The following AGMO variants were observed in gnomAD, a reference collection of about 807,000 sequenced individuals.
AGMO encodes glyceryl-ether monooxygenase.
In AGMO, 75 loss-of-function variants were observed where a neutral mutation model predicts 60.2. The observed-to-expected ratio is 1.25, with a 90% confidence interval of 1.03 to 1.51. AGMO has a LOEUF of 1.51. AGMO is among the 40% of genes most tolerant of loss of function. AGMO has a pLI of 0.00. For synonymous variants in AGMO, 261 were observed against 177.1 expected, an observed-to-expected ratio of 1.47 and a Z score of -3.76; for missense variants, 763 against 525.5, an observed-to-expected ratio of 1.45 and a Z score of -4.42.
chr7:15,483,538 A>C (rs1462560745), intron 3 of AGMO, among the ~76,000 whole-genome samples: 29 of 151,994 alleles, frequency 1.9e-4, no homozygotes, highest in Non-Finnish European at 4.0e-4. Context: ...CTACTGCACT[A>C]CAGCCTGGGT....
chr7:15,549,790 T>C (rs919982378), intron 2 of AGMO, among the ~76,000 whole-genome samples: 1 of 151,548 alleles, frequency 6.6e-6, no homozygotes, highest in Non-Finnish European at 1.5e-5. Context: ...TACCCAGGAA[T>C]TGAACTCAGC....
At chr7:15,402,712 C>G (rs1420765465) in intron 5 of AGMO, among the ~76,000 whole-genome samples, 1 of 145,350 alleles carries the variant, frequency 6.9e-6, no homozygotes, top group Non-Finnish European at 1.5e-5. Flanking sequence ...TGAACAATTA[C>G]TGTTTTAAAT....
At chr7:15,205,493 A>C (rs1404241583) in intron 12 of AGMO, among the ~76,000 whole-genome samples, 1 of 152,186 alleles carries the variant, frequency 6.6e-6, no homozygotes, top group East Asian at 1.9e-4. Flanking sequence ...ATTTAATTTT[A>C]TATGGATTGC....
At chr7:15,356,675 A>C (rs1782540944) in intron 12 of AGMO, among the ~76,000 whole-genome samples, 1 of 152,038 alleles carries the variant, frequency 6.6e-6, no homozygotes, top group South Asian at 2.1e-4. Context: ...AATTTTATTT[A>C]GAATGGTGTT....
chr7:15,249,786 G>A (rs1018627941), intron 12 of AGMO, among the ~76,000 whole-genome samples: 2 of 152,084 alleles, frequency 1.3e-5, no homozygotes, highest in Non-Finnish European at 2.9e-5. Flanking sequence ...GAGATGGGTA[G>A]GAAACTATCT....
At chr7:15,434,700 C>T (rs551226487) in intron 3 of AGMO, among the ~76,000 whole-genome samples, 2 of 152,254 alleles carry the variant, frequency 1.3e-5, no homozygotes, top group South Asian at 2.1e-4. Context: ...AACCGACTCG[C>T]AGCAACCTCC....
intron 12 of AGMO, among the ~76,000 whole-genome samples, chr7:15,236,218 T>C (rs955542790): frequency 1.3e-5 from 2 of 152,096 alleles, no homozygotes; most frequent in Non-Finnish European, 2.9e-5. Flanking sequence ...TAAATTTCTA[T>C]CAGTTTGGGG....
intron 12 of AGMO, among the ~76,000 whole-genome samples, chr7:15,282,121 C>CAG (rs1783984245): frequency 6.6e-6 from 1 of 151,812 alleles, no homozygotes; most frequent in Non-Finnish European, 1.5e-5. Flanking sequence ...ATAGTCTGCC[C>CAG]AAATAAGAAG....
At chr7:15,427,393 T>C (rs1266447110) in intron 4 of AGMO, among the ~76,000 whole-genome samples, 1 of 152,226 alleles carries the variant, frequency 6.6e-6, no homozygotes, top group Admixed American at 6.5e-5. Flanking sequence ...ATTGTTATGC[T>C]GTATTTGCCA....
At chr7:15,294,405 T>C (rs555098572) in intron 12 of AGMO, among the ~76,000 whole-genome samples, 2 of 151,634 alleles carry the variant, frequency 1.3e-5, no homozygotes, top group East Asian at 3.9e-4. Context: ...AGCAAGAGAG[T>C]AAATTGGTCA....
chr7:15,133,049 T>G, the AGMO span, among the ~76,000 whole-genome samples: 1 of 152,194 alleles, frequency 6.6e-6, no homozygotes, highest in Non-Finnish European at 1.5e-5. Context: ...CTAGATATGG[T>G]AAGCAATTAC....
chr7:15,495,377 T>G (rs535435892), intron 3 of AGMO, among the ~76,000 whole-genome samples: 1 of 152,140 alleles, frequency 6.6e-6, no homozygotes, highest in African/African-American at 2.4e-5. Flanking sequence ...CAGAGATAAT[T>G]CAGTCCATGT....
intron 10 of AGMO, among the ~76,000 whole-genome samples, chr7:15,366,971 G>A (rs1454633716): frequency 6.6e-6 from 1 of 152,030 alleles, no homozygotes. Flanking sequence ...TGCTCCAGAA[G>A]AATTAGAGGA....
At chr7:15,347,323 G>A (rs1782069819) in intron 12 of AGMO, among the ~76,000 whole-genome samples, 2 of 152,174 alleles carry the variant, frequency 1.3e-5, no homozygotes, top group African/African-American at 4.8e-5. Flanking sequence ...TTTGTGAATT[G>A]TAAATGCCAA....
At chr7:15,455,969 T>C (rs1781989907) in intron 3 of AGMO, among the ~76,000 whole-genome samples, 1 of 152,140 alleles carries the variant, frequency 6.6e-6, no homozygotes, top group African/African-American at 2.4e-5. Context: ...ATTTTCTTAA[T>C]GCATTTTTTT....
chr7:15,132,256 G>T, the AGMO span, among the ~76,000 whole-genome samples: 59 of 152,264 alleles, frequency 3.9e-4, no homozygotes, highest in African/African-American at 1.4e-3. Context: ...ACAACTTATT[G>T]TTAGCATTTA....
intron 12 of AGMO, among the ~76,000 whole-genome samples, chr7:15,278,059 G>C (rs1219875386): frequency 1.3e-5 from 2 of 152,062 alleles, no homozygotes; most frequent in Non-Finnish European, 2.9e-5. Context: ...TGACTCTCAG[G>C]TTAGATGCAT....
At chr7:15,514,077 T>G (rs1426861538) in intron 3 of AGMO, among the ~76,000 whole-genome samples, 1 of 152,196 alleles carries the variant, frequency 6.6e-6, no homozygotes, top group Non-Finnish European at 1.5e-5. Context: ...AGTTTATATC[T>G]CCAGTCTGAA....
At chr7:15,392,890 C>T (rs544949384) in intron 6 of AGMO, among the ~76,000 whole-genome samples, 4 of 152,302 alleles carry the variant, frequency 2.6e-5, no homozygotes, top group South Asian at 4.1e-4. Flanking sequence ...GCCTTAAATG[C>T]GCTCAAAGCA....
Sources: allele counts gnomAD v4.1 joint callset (sites outside exome capture counted in the v4.1 genomes callset), GRCh38; gene constraint gnomAD v4.1.1; transcripts MANE v1.5; gene names NCBI Gene and HGNC (gene_info 2026-07-23, HGNC 2026-07-21).